Variants in PHYHIPL observed in about 807,000 individuals in gnomAD.
The protein encoded by PHYHIPL is phytanoyl-CoA 2-hydroxylase interacting protein like.
A neutral mutation model predicts 33.4 loss-of-function variants in PHYHIPL; 9 were observed. That is an observed-to-expected ratio of 0.27 (90% CI 0.16 to 0.47). PHYHIPL has a LOEUF of 0.47. Ranked by LOEUF, PHYHIPL falls within the 20% of genes least tolerant of loss-of-function variation. The probability of loss-of-function intolerance (pLI) is 0.99; values close to 1 mark genes in which losing one functional copy is unlikely to be tolerated. For missense variants in PHYHIPL, 365 were observed against 460.7 expected (o/e 0.79, Z 1.90); for synonymous variants, 153 against 154.1 (o/e 0.99, Z 0.05).
Position 59,234,317 on chromosome 10 carries a change from A to C in PHYHIPL, c.120A>C (p.Gln40His). The change falls in exon 2 of 5, where the codon CAA (glutamine) becomes CAC (histidine). Residue 40 changes from glutamine to histidine, a missense_variant. This residue lies in a region of PHYHIPL where 89 missense variants were observed against 78.3 expected (regional missense o/e 1.14). Coordinates refer to ENST00000373880, the MANE Select transcript of PHYHIPL (RefSeq NM_032439.4). ...GTTTTCTTGCAGGGAACAAATCACA[A>C]GACAGTGGCATAGCAGAGATGGAAG... Reference protein sequence around the residue: ...QLCDRDGNKSQDSGIAEMEEL... With the variant: ...QLCDRDGNKSHDSGIAEMEEL... 1.3e-6 allele frequency: 2 copies of C among 1,584,808 alleles called. No homozygotes were observed. The highest frequency in any genetic ancestry group is 1.7e-6 in the Non-Finnish European group (2 of 1,170,714).
At chr10:59,209,662 C>T (rs1045852132) in intron 1 of PHYHIPL, among the ~76,000 whole-genome samples, 1 of 152,206 alleles carries the variant, frequency 6.6e-6, no homozygotes, top group African/African-American at 2.4e-5. Context: ...TACCTGACTT[C>T]AAACTATACT....
chr10:59,193,901 G>C (rs1260753695), intron 1 of PHYHIPL, among the ~76,000 whole-genome samples: 2 of 151,958 alleles, frequency 1.3e-5, no homozygotes, highest in African/African-American at 2.4e-5. Flanking sequence ...GGAATTTGCT[G>C]TTTATACTAC....
At position 59,236,384 on chromosome 10, in the gene PHYHIPL, C is replaced by T. The variant is rs1840230600; in HGVS notation, c.304-99C>T. The T allele has an allele frequency of 8.2e-6, 5 of 613,096 alleles. No homozygotes were observed. In the South Asian group the frequency reaches 2.0e-4, roughly 25 times the overall value. 38.0% of individuals were successfully genotyped at this position (613,096 alleles called of 1,614,324 possible). On this transcript the variant is annotated intron_variant, in intron 2 of 4. Transcript: ENST00000373880. ...CTTCTTCCTTCCCTCCTTCTCCCTT[C>T]CCTCCTTCCTCCCTTCTCCCTTTTC...
Position 59,210,512 on chromosome 10 carries a change from G to C in PHYHIPL, c.107-23792G>C, listed in dbSNP as rs554627653. On this transcript the variant is annotated intron_variant, in intron 1 of 4. Transcript: ENST00000373880. ...ATTAGTTCAACCATTGTGGAAGACA[G>C]TGTGGTGATTCCTCAAGGATCTAGA... Among the ~76,000 whole-genome samples, 4 of 152,324 alleles carry C rather than the reference G, an allele frequency of 2.6e-5. No homozygotes were observed. In the South Asian group the frequency reaches 8.3e-4, roughly 32 times the overall value.
chr10:59,199,631 A>T (rs970567562), intron 1 of PHYHIPL, among the ~76,000 whole-genome samples: 1 of 152,184 alleles, frequency 6.6e-6, no homozygotes, highest in Non-Finnish European at 1.5e-5. Flanking sequence ...CATTGAATCT[A>T]TAAATTACCT....
intron 1 of PHYHIPL, among the ~76,000 whole-genome samples, chr10:59,213,335 ACTCTAGC>A (rs1839520048): frequency 6.6e-6 from 1 of 151,984 alleles, no homozygotes. Context: ...CCCATCTTAT[ACTCTAGC>A]CTTATTTCCT....
intron 1 of PHYHIPL, among the ~76,000 whole-genome samples, chr10:59,224,456 G>GAAACAAAACA (rs57121387): frequency 0.47 from 65,174 of 139,552 alleles, 16,093 homozygotes; most frequent in Non-Finnish European, 0.54. Flanking sequence ...CTGTCTCAAG[G>GAAACAAAACA]AAACAAAACA....
At position 59,236,453 on chromosome 10, in the gene PHYHIPL, TTCTC is replaced by T. The variant is rs1171534110; in HGVS notation, c.304-22_304-19del. On this transcript the variant is annotated intron_variant, in intron 2 of 4. Coordinates refer to ENST00000373880, the MANE Select transcript of PHYHIPL (RefSeq NM_032439.4). Reference sequence around the variant, plus strand: ...CGTCCCTCTCTGTCTCCCCTCATTTTTCTCTCTCTCTTCCTTCTTTCATTCCTAG... The same window carrying T: ...CGTCCCTCTCTGTCTCCCCTCATTTTTCTCTCTTCCTTCTTTCATTCCTAG... 8 of 1,422,458 alleles carry T rather than the reference TTCTC, an allele frequency of 5.6e-6. No homozygotes were observed. In the African/African-American group the frequency reaches 7.3e-5, roughly 13 times the overall value. The allele number at this position is 1,422,458 out of a possible 1,614,324, so 88.1% of individuals were successfully genotyped here.
Position 59,247,420 on chromosome 10 carries a change from GT to G in PHYHIPL, c.*1831del. 1 of 614,466 alleles carries G rather than the reference GT, an allele frequency of 1.6e-6. No homozygotes were observed. The highest frequency in any genetic ancestry group is 2.7e-6 in the Non-Finnish European group (1 of 364,280). 38.1% of individuals were successfully genotyped at this position (614,466 alleles called of 1,614,324 possible). On this transcript the variant is annotated 3_prime_UTR_variant, in exon 5 of 5. Transcript: ENST00000373880. The stretch of plus-strand genomic sequence containing the variant: ...TTTTTTCCCAATTATATGGCTACCT[GT>G]TGTATTCTTCCCCCCGTTTAAATCC...
At chr10:59,201,654 A>G (rs1034144216) in intron 1 of PHYHIPL, among the ~76,000 whole-genome samples, 11 of 152,104 alleles carry the variant, frequency 7.2e-5, no homozygotes, top group African/African-American at 1.2e-4. Flanking sequence ...TCTTGGGCCA[A>G]TCCTAATGTG....
chr10:59,219,370 A>G (rs1379039147), intron 1 of PHYHIPL: 5 of 345,378 alleles, frequency 1.4e-5, no homozygotes, highest in Middle Eastern at 1.5e-3. Context: ...TAAGTTTCCT[A>G]TAATAAAAGT....
chr10:59,176,893 A>C lies in PHYHIPL; in HGVS notation c.40A>C (p.Thr14Pro). ...PRLDHALNSP[T>P]SPCEEVIKNL... ...CCTGGATCATGCCCTCAACAGCCCC[A>C]CCAGCCCCTGTGAGGAGGTGATCAA... Residue 14 changes from threonine (T) to proline (P), a missense_variant, in exon 1 of 5, where the codon ACC (threonine) becomes CCC (proline). By Grantham distance (38) the Thr-to-Pro change is conservative (BLOSUM62 -1). Coordinates refer to ENST00000373880, the MANE Select transcript of PHYHIPL (RefSeq NM_032439.4). 1 of 1,613,426 alleles carries C rather than the reference A, an allele frequency of 6.2e-7. No homozygotes were observed. Among genetic ancestry groups the C allele is most frequent in the Non-Finnish European group, 8.5e-7 (1 of 1,179,734 alleles).
intron 1 of PHYHIPL, among the ~76,000 whole-genome samples, chr10:59,199,718 C>T (rs1354624367): frequency 7.9e-5 from 12 of 152,088 alleles, no homozygotes; most frequent in Admixed American, 7.2e-4. Flanking sequence ...TGTTTGTATC[C>T]TCTTTTATTT....
chr10:59,211,039 A>G (rs571937603), intron 1 of PHYHIPL, among the ~76,000 whole-genome samples: 3 of 151,542 alleles, frequency 2.0e-5, no homozygotes, highest in Non-Finnish European at 2.9e-5. Context: ...CTGCACATGT[A>G]TCTCAGAACT....
At chr10:59,186,732 A>G (rs1016070162) in intron 1 of PHYHIPL, among the ~76,000 whole-genome samples, 22 of 152,254 alleles carry the variant, frequency 1.4e-4, no homozygotes, top group African/African-American at 5.3e-4. Flanking sequence ...GCAGTTGTGA[A>G]TGGGAGTTCA....
chr10:59,243,110 G>T (rs537372454), intron 4 of PHYHIPL, among the ~76,000 whole-genome samples: 1 of 147,426 alleles, frequency 6.8e-6, no homozygotes, highest in Non-Finnish European at 1.5e-5. Context: ...ATTACAAACT[G>T]AAAACTGCAG....
upstream of PHYHIPL, among the ~76,000 whole-genome samples, chr10:59,176,393 C>T (rs76376129): frequency 0.021 from 3,248 of 152,168 alleles, 134 homozygotes; most frequent in African/African-American, 0.074. Context: ...GTATAGCGCT[C>T]GCCCTTCCCG....
upstream of PHYHIPL, among the ~76,000 whole-genome samples, chr10:59,175,289 T>C (rs1838230260): frequency 1.3e-5 from 2 of 152,242 alleles, no homozygotes; most frequent in African/African-American, 4.8e-5. Flanking sequence ...TAATTATCTT[T>C]CACAGATATT....
intron 4 of PHYHIPL, among the ~76,000 whole-genome samples, chr10:59,242,159 A>AT (rs1397995334): frequency 6.6e-6 from 1 of 152,136 alleles, no homozygotes; most frequent in Non-Finnish European, 1.5e-5. Context: ...GGGAGCCTGG[A>AT]TTTTCCACCA....
Sources: allele counts gnomAD v4.1 joint callset (sites outside exome capture counted in the v4.1 genomes callset), GRCh38; gene constraint gnomAD v4.1.1; regional missense constraint gnomAD v4.1.1; transcripts MANE v1.5; gene names NCBI Gene and HGNC (gene_info 2026-07-23, HGNC 2026-07-21).